FGF14: variants seen among roughly 807,000 people sequenced by gnomAD.
The protein encoded by FGF14 is fibroblast growth factor 14.
Under a neutral mutation model 25.5 loss-of-function variants are expected in FGF14, and 5 were observed. That is an observed-to-expected ratio of 0.20 (90% CI 0.10 to 0.41). FGF14 has a LOEUF of 0.41. Among genes scored for constraint, FGF14 ranks in the 10% least tolerant of loss-of-function variants. FGF14 has a pLI of 1.00. For missense variants in FGF14, 222 were observed against 320.1 expected, an observed-to-expected ratio of 0.69 and a Z score of 2.34; for synonymous variants, 138 against 118.3, an observed-to-expected ratio of 1.17 and a Z score of -1.08.
chr13:101,792,736 T>G (rs534583020), intron 3 of FGF14, among the ~76,000 whole-genome samples: 1 of 152,298 alleles, frequency 6.6e-6, no homozygotes, highest in East Asian at 1.9e-4. Context: ...ATGAGGAGAA[T>G]TCACATAAAG....
intron 1 of FGF14, among the ~76,000 whole-genome samples, chr13:102,042,837 A>G (rs769826979): frequency 1.3e-5 from 2 of 152,218 alleles, no homozygotes; most frequent in African/African-American, 4.8e-5. Flanking sequence ...TTTCACTCTC[A>G]AAACTATGGA....
At chr13:102,249,990 A>G (rs1566862675) in intron 1 of FGF14, among the ~76,000 whole-genome samples, 1 of 152,128 alleles carries the variant, frequency 6.6e-6, no homozygotes, top group Non-Finnish European at 1.5e-5. Context: ...GACCAGGCCC[A>G]GCCACAAAAG....
intron 3 of FGF14, among the ~76,000 whole-genome samples, chr13:101,851,471 C>G (rs1021309683): frequency 6.6e-6 from 1 of 151,982 alleles, no homozygotes; most frequent in Non-Finnish European, 1.5e-5. Flanking sequence ...ACTTTGTTAC[C>G]GCAGTCCTAG....
intron 1 of FGF14, among the ~76,000 whole-genome samples, chr13:101,880,681 A>T (rs2045656172): frequency 6.6e-6 from 1 of 152,232 alleles, no homozygotes; most frequent in South Asian, 2.1e-4. Context: ...GCTTTATATC[A>T]ATCAGCCATG....
At chr13:102,122,032 A>G (rs2140367296) in intron 1 of FGF14, among the ~76,000 whole-genome samples, 1 of 152,350 alleles carries the variant, frequency 6.6e-6, no homozygotes, top group Admixed American at 6.5e-5. Context: ...AATGATTGAA[A>G]TATTGTTTGT....
intron 3 of FGF14, among the ~76,000 whole-genome samples, chr13:101,747,086 G>A (rs191330050): frequency 1.3e-5 from 2 of 151,932 alleles, no homozygotes; most frequent in Non-Finnish European, 2.9e-5. Context: ...GTGGTATGTT[G>A]AGCATTGTCA....
At chr13:101,736,773 G>A (rs2036217968) in intron 3 of FGF14, among the ~76,000 whole-genome samples, 1 of 151,874 alleles carries the variant, frequency 6.6e-6, no homozygotes, top group South Asian at 2.1e-4. Context: ...CAGTGCTGCA[G>A]GTGAATATCT....
At position 102,261,888 on chromosome 13, in the gene FGF14, T is replaced by A. The variant is rs544805093; in HGVS notation, c.208+139583A>T. ...TTTGTCCATGGCCTCTTTGGTGTGA[T>A]CACCTAAAATGCTTGACAGATGGGA... is the stretch of plus-strand genomic sequence containing the variant. On this transcript the variant is annotated intron_variant, in intron 1 of 4. Coordinates refer to the FGF14 transcript ENST00000376131. Among the ~76,000 whole-genome samples, 4 of 152,280 alleles carry A rather than the reference T, an allele frequency of 2.6e-5. No homozygotes were observed. In the South Asian group the frequency reaches 8.3e-4, roughly 32 times the overall value.
chr13:102,202,855 G>A (rs1295242352), intron 1 of FGF14, among the ~76,000 whole-genome samples: 15 of 152,164 alleles, frequency 9.9e-5, no homozygotes, highest in African/African-American at 3.4e-4. Context: ...TTAGAATACT[G>A]CAGTGCTGCT....
At chr13:102,207,379 A>G (rs1487208750) in intron 1 of FGF14, among the ~76,000 whole-genome samples, 2 of 152,020 alleles carry the variant, frequency 1.3e-5, no homozygotes, top group African/African-American at 4.8e-5. Context: ...GCAAGGACCC[A>G]TGAGAAGCCA....
intron 3 of FGF14, among the ~76,000 whole-genome samples, chr13:101,795,311 A>AAG (rs1594276069): frequency 6.6e-6 from 1 of 152,136 alleles, no homozygotes; most frequent in South Asian, 2.1e-4. Context: ...AAGCTATAAG[A>AAG]AGAGAGAAAG....
chr13:102,238,035 T>C (rs1566849544), intron 1 of FGF14, among the ~76,000 whole-genome samples: 1 of 152,222 alleles, frequency 6.6e-6, no homozygotes, highest in Non-Finnish European at 1.5e-5. Context: ...TTACCATTTA[T>C]GTACCTGGGA....
chr13:102,274,315 G>T (rs1034261883), intron 1 of FGF14, among the ~76,000 whole-genome samples: 3 of 152,188 alleles, frequency 2.0e-5, no homozygotes, highest in Non-Finnish European at 4.4e-5. Flanking sequence ...CTGAGTGTCG[G>T]AAAGATTTTG....
intron 1 of FGF14, among the ~76,000 whole-genome samples, chr13:102,274,599 G>A (rs1471896610): frequency 6.6e-6 from 1 of 152,054 alleles, no homozygotes; most frequent in Non-Finnish European, 1.5e-5. Context: ...CAGAAGTTCT[G>A]ATTAACACTC....
At chr13:102,048,571 A>G (rs908356117) in intron 1 of FGF14, among the ~76,000 whole-genome samples, 2 of 152,124 alleles carry the variant, frequency 1.3e-5, no homozygotes, top group African/African-American at 4.8e-5. Context: ...TCCAGTTCCA[A>G]ATCCAGAATT....
At chr13:101,926,130 C>A (rs1269930778) in intron 1 of FGF14, among the ~76,000 whole-genome samples, 1 of 152,180 alleles carries the variant, frequency 6.6e-6, no homozygotes, top group African/African-American at 2.4e-5. Context: ...TATTCACATA[C>A]TCACAAGTTG....
rs987200518 is a variant in FGF14, at chr13:102,004,892, G to A, written c.209-129596C>T. Among the ~76,000 whole-genome samples, 7 of 152,184 alleles carry A rather than the reference G, an allele frequency of 4.6e-5. No individual in the cohort carries two copies. In the South Asian group the frequency reaches 8.3e-4, roughly 18 times the overall value. The stretch of plus-strand genomic sequence containing the variant: ...ACCATGTGAAGAAGGATGTGTTTGC[G>A]TCCCCTTCTGATATGACTGTAAGTT... On this transcript the variant is annotated intron_variant, in intron 1 of 4. Coordinates refer to the FGF14 transcript ENST00000376131.
chr13:102,040,392 C>G (rs2041676616), intron 1 of FGF14, among the ~76,000 whole-genome samples: 1 of 152,110 alleles, frequency 6.6e-6, no homozygotes, highest in Non-Finnish European at 1.5e-5. Flanking sequence ...ATTAAATGTT[C>G]AGCAAATTGA....
At chr13:101,769,606 A>T (rs891363300) in intron 3 of FGF14, among the ~76,000 whole-genome samples, 7 of 152,142 alleles carry the variant, frequency 4.6e-5, no homozygotes, top group Admixed American at 3.9e-4. Context: ...CATCCAGGCA[A>T]TGAAGTATTA....
Sources: allele counts gnomAD v4.1 joint callset (sites outside exome capture counted in the v4.1 genomes callset), GRCh38; gene constraint gnomAD v4.1.1; transcripts MANE v1.5; gene names NCBI Gene and HGNC (gene_info 2026-07-23, HGNC 2026-07-21).